Variants in UBE2E2 observed in about 807,000 individuals in gnomAD.
The protein encoded by UBE2E2 is ubiquitin conjugating enzyme E2 E2.
Under a neutral mutation model 24.7 loss-of-function variants are expected in UBE2E2, and 6 were observed. The observed-to-expected ratio is 0.24, with a 90% CI of 0.13 to 0.48. UBE2E2 has a LOEUF of 0.48. Among genes scored for constraint, UBE2E2 ranks in the 20% least tolerant of loss-of-function variants. The pLI is 0.99. For missense variants in UBE2E2, 169 were observed against 245.0 expected (o/e 0.69, Z 2.07); for synonymous variants, 104 against 83.6 (o/e 1.24, Z -1.33).
intron 5 of UBE2E2, among the ~76,000 whole-genome samples, chr3:23,580,662 CA>C (rs1696455557): frequency 6.6e-6 from 1 of 152,082 alleles, no homozygotes; most frequent in Non-Finnish European, 1.5e-5. Context: ...TATGAACAAA[CA>C]AATCAGAGAT....
chr3:23,324,841 A>G (rs1234601153), intron 3 of UBE2E2, among the ~76,000 whole-genome samples: 1 of 151,794 alleles, frequency 6.6e-6, no homozygotes, highest in East Asian at 1.9e-4. Context: ...TATCTGTGGT[A>G]TTTTGTTTTG....
chr3:23,545,588 A>C (rs1194039410), intron 5 of UBE2E2, among the ~76,000 whole-genome samples: 1 of 152,158 alleles, frequency 6.6e-6, no homozygotes, highest in African/African-American at 2.4e-5. Context: ...TTCTTTCTAC[A>C]CAGACACAGT....
intron 3 of UBE2E2, among the ~76,000 whole-genome samples, chr3:23,229,754 A>G (rs754398500): frequency 6.6e-6 from 1 of 152,196 alleles, no homozygotes; most frequent in Non-Finnish European, 1.5e-5. Flanking sequence ...CCTGTTCCTT[A>G]TCTGCCCTGT....
At chr3:23,395,201 T>C (rs1697045981) in intron 3 of UBE2E2, among the ~76,000 whole-genome samples, 2 of 152,156 alleles carry the variant, frequency 1.3e-5, no homozygotes, top group Non-Finnish European at 2.9e-5. Flanking sequence ...CCTTTATCCC[T>C]CACAGCTTTC....
chr3:23,220,772 C>T (rs919209719), intron 3 of UBE2E2, among the ~76,000 whole-genome samples: 1 of 152,194 alleles, frequency 6.6e-6, no homozygotes, highest in Non-Finnish European at 1.5e-5. Context: ...TTTATCCTTA[C>T]AGACCTCTAA....
chr3:23,247,094 G>T (rs776879769), intron 3 of UBE2E2, among the ~76,000 whole-genome samples: 7 of 152,104 alleles, frequency 4.6e-5, no homozygotes, highest in Admixed American at 1.3e-4. Context: ...GACCCAAGCA[G>T]TCCTCCTGCC....
chr3:23,393,900 G>C (rs770733709), intron 3 of UBE2E2, among the ~76,000 whole-genome samples: 1 of 152,166 alleles, frequency 6.6e-6, no homozygotes, highest in African/African-American at 2.4e-5. Context: ...GCCTACATCT[G>C]CTTTTGTACT....
chr3:23,281,003 C>G (rs1698479153), intron 3 of UBE2E2, among the ~76,000 whole-genome samples: 1 of 152,226 alleles, frequency 6.6e-6, no homozygotes, highest in African/African-American at 2.4e-5. Flanking sequence ...ATTGTATCCT[C>G]ACTTGCTGGA....
chr3:23,266,619 C>A, intron 3 of UBE2E2, among the ~76,000 whole-genome samples: 1 of 151,914 alleles, frequency 6.6e-6, no homozygotes, highest in Non-Finnish European at 1.5e-5. Flanking sequence ...AATTATGTGT[C>A]TTGGAGTTGC....
intron 5 of UBE2E2, among the ~76,000 whole-genome samples, chr3:23,536,403 A>T (rs537153893): frequency 6.6e-6 from 1 of 152,156 alleles, no homozygotes; most frequent in Non-Finnish European, 1.5e-5. Flanking sequence ...ATAGGTCTGT[A>T]TATCATCTAG....
Position 23,478,154 on chromosome 3 carries a change from A to G in UBE2E2, c.228-21454A>G, listed in dbSNP as rs1365895923. ...TGTTACAAGTGTCAGTTCTTTATGA[A>G]TTCATAAATCCAATAAAAAGTGTTG... On this transcript the variant is annotated intron_variant, in intron 3 of 5. Coordinates refer to ENST00000396703, the MANE Select transcript of UBE2E2 (RefSeq NM_152653.4). 2.6e-5 allele frequency among the ~76,000 whole-genome samples: 4 copies of G among 152,240 alleles called. No individual in the cohort carries two copies. The East Asian group carries it at 7.7e-4, about 29-fold the overall frequency.
At chr3:23,571,602 G>A (rs972867907) in intron 5 of UBE2E2, among the ~76,000 whole-genome samples, 2 of 151,982 alleles carry the variant, frequency 1.3e-5, no homozygotes, top group African/African-American at 4.8e-5. Flanking sequence ...CTCCCTTCTT[G>A]ATAGGACACT....
At chr3:23,486,042 G>T (rs963038838) in intron 3 of UBE2E2, among the ~76,000 whole-genome samples, 2 of 152,148 alleles carry the variant, frequency 1.3e-5, no homozygotes, top group African/African-American at 4.8e-5. Context: ...TTTTGCTCAT[G>T]CCTGCTGGAT....
chr3:23,401,720 G>A (rs1054979992), intron 3 of UBE2E2, among the ~76,000 whole-genome samples: 51 of 151,854 alleles, frequency 3.4e-4, no homozygotes, highest in African/African-American at 1.1e-3. Flanking sequence ...TTGCTCTGTC[G>A]CCTAGGCTGT....
At chr3:23,204,754 A>G (rs970739285) in intron 1 of UBE2E2, 147 of 985,266 alleles carry the variant, frequency 1.5e-4, no homozygotes, top group Non-Finnish European at 1.7e-4. Flanking sequence ...AGTTAAATTT[A>G]AAGCTGGATA....
intron 3 of UBE2E2, among the ~76,000 whole-genome samples, chr3:23,338,645 T>C (rs1467307292): frequency 6.6e-6 from 1 of 151,884 alleles, no homozygotes; most frequent in Non-Finnish European, 1.5e-5. Context: ...AGTGGCAAAA[T>C]GTTCAAAAAA....
chr3:23,551,436 T>C (rs532984592), intron 5 of UBE2E2, among the ~76,000 whole-genome samples: 6 of 152,344 alleles, frequency 3.9e-5, no homozygotes, highest in South Asian at 2.1e-4. Context: ...GAGAAACTTA[T>C]GTTGGCTCTA....
At position 23,206,608 on chromosome 3, in the gene UBE2E2, G is replaced by T. The variant is rs147199084; in HGVS notation, c.-8-2084G>T. 1.7e-4 allele frequency among the ~76,000 whole-genome samples: 26 copies of T among 152,216 alleles called. No individual in the cohort carries two copies. The East Asian group carries it at 4.8e-3, about 28-fold the overall frequency. ...AGGGGTGCTGGTGGTGGTGTGTGTG[G>T]TGTGTCAGTGAAAGGATTCACTATT... On this transcript the variant is annotated intron_variant, in intron 1 of 5. Coordinates refer to ENST00000396703, the MANE Select transcript of UBE2E2 (RefSeq NM_152653.4).
At chr3:23,452,708 A>G (rs1206253476) in intron 3 of UBE2E2, among the ~76,000 whole-genome samples, 1 of 152,166 alleles carries the variant, frequency 6.6e-6, no homozygotes, top group Non-Finnish European at 1.5e-5. Flanking sequence ...CCCTGATGGG[A>G]GAAAGACATT....
Sources: allele counts gnomAD v4.1 joint callset (sites outside exome capture counted in the v4.1 genomes callset), GRCh38; gene constraint gnomAD v4.1.1; transcripts MANE v1.5; gene names NCBI Gene and HGNC (gene_info 2026-07-23, HGNC 2026-07-21).